ERICH5: variants seen among roughly 807,000 people sequenced by gnomAD.
ERICH5 encodes glutamate rich 5.
Under a neutral mutation model 28.0 loss-of-function variants are expected in ERICH5, and 24 were observed. That is an observed-to-expected ratio of 0.86 (90% CI 0.62 to 1.21). The LOEUF is 1.21. Among genes scored for constraint, ERICH5 ranks in the 50% most tolerant of loss-of-function variants. ERICH5 has a pLI of 0.00. For missense variants in ERICH5, 421 were observed against 441.2 expected (o/e 0.95, Z 0.41); for synonymous variants, 163 against 157.6 (o/e 1.03, Z -0.25).
At chr8:98,076,661 A>G (rs1815060817) in intron 1 of ERICH5, among the ~76,000 whole-genome samples, 1 of 152,288 alleles carries the variant, frequency 6.6e-6, no homozygotes, top group East Asian at 1.9e-4. Context: ...GCAATCCTGT[A>G]TATTCATATA....
intron 1 of ERICH5, among the ~76,000 whole-genome samples, chr8:98,072,857 A>AT (rs772044082): frequency 1.1e-4 from 16 of 150,932 alleles, no homozygotes; most frequent in East Asian, 7.8e-4. Context: ...TTTGTCTTTT[A>AT]TTTTTTTTCT....
chr8:98,067,333 C>A (rs530134085), intron 1 of ERICH5, among the ~76,000 whole-genome samples: 103 of 151,090 alleles, frequency 6.8e-4, no homozygotes, highest in Non-Finnish European at 1.0e-3. Context: ...TGGTACAGGC[C>A]AGTAGTCCCA....
chr8:98,085,378 T>A (rs1489770024), intron 1 of ERICH5, among the ~76,000 whole-genome samples: 2 of 151,804 alleles, frequency 1.3e-5, no homozygotes, highest in African/African-American at 4.8e-5. Flanking sequence ...TTAGCCAGGA[T>A]GGTCTCGATA....
At chr8:98,073,415 T>C (rs1302352208) in intron 1 of ERICH5, among the ~76,000 whole-genome samples, 1 of 20,098 alleles carries the variant, frequency 5.0e-5, no homozygotes, top group Non-Finnish European at 8.0e-5. Flanking sequence ...TCTCTCTCTC[T>C]CTCTCTCTCT....
At chr8:98,090,067 G>T in intron 2 of ERICH5, 38 bp downstream of exon 2, 1 of 1,475,524 alleles carries the variant, frequency 6.8e-7, no homozygotes, top group Non-Finnish European at 9.3e-7. Context: ...GTTTAGATGT[G>T]CTCCATAGGA....
At chr8:98,065,073 A>C (rs2513819) in intron 1 of ERICH5, among the ~76,000 whole-genome samples, 14,921 of 152,166 alleles carry the variant, frequency 0.098, 828 homozygotes, top group East Asian at 0.19. Context: ...TAAACACAGG[A>C]GAAATGTCCT....
chr8:98,080,164 G>A (rs1276066330), intron 1 of ERICH5, among the ~76,000 whole-genome samples: 1 of 152,176 alleles, frequency 6.6e-6, no homozygotes, highest in Non-Finnish European at 1.5e-5. Flanking sequence ...TGTTTAGTGT[G>A]GCTACCTTTT....
At chr8:98,084,133 C>T (rs1219982460) in intron 1 of ERICH5, among the ~76,000 whole-genome samples, 1 of 151,726 alleles carries the variant, frequency 6.6e-6, no homozygotes, top group Admixed American at 6.6e-5. Context: ...AAGTGATCCT[C>T]CTGCCTTAGC....
intron 1 of ERICH5, among the ~76,000 whole-genome samples, chr8:98,074,425 AC>A (rs1480815716): frequency 4.9e-5 from 6 of 122,256 alleles, no homozygotes; most frequent in African/African-American, 1.3e-4. Context: ...ATTTTAATTT[AC>A]TTTTTTTTTT....
chr8:98,089,766 G>T lies in ERICH5; in HGVS notation c.749G>T (p.Gly250Val). Residue 250 changes from glycine (G) to valine (V), a missense_variant, in exon 2 of 3, where the codon GGA becomes GTA. Transcript: ENST00000318528. ...AEEQQLQATL[G>V]KEEQPQLLER... ...GAGCAGCAACTTCAGGCAACATTGG[G>T]AAAAGAGGAGCAGCCCCAGCTTCTA... 10 of 1,614,160 alleles carry T rather than the reference G, an allele frequency of 6.2e-6. No individual in the cohort carries two copies. The highest frequency in any genetic ancestry group is 8.5e-6 in the Non-Finnish European group (10 of 1,180,004).
rs865793907 is a variant in ERICH5 at position 98,091,964 on chromosome 8, T to C, written c.1013-1257T>C. On this transcript the variant is annotated intron_variant, in intron 2 of 2. Transcript: ENST00000318528. ...TTCTTTCTTTCTTCTTTCTTTCTTT[T>C]TTCTTTCTTTTTCTTCTCTCTCTCT... is the stretch of plus-strand genomic sequence containing the variant. 2.5e-3 allele frequency among the ~76,000 whole-genome samples: 118 copies of C among 47,346 alleles called. 3 individuals are homozygous for C. Among genetic ancestry groups the C allele is most frequent in the African/African-American group, 5.3e-3 (70 of 13,190 alleles). 31.1% of individuals were successfully genotyped at this position (47,346 alleles called of 152,430 possible). A position where few individuals can be genotyped will look rare whatever the true frequency, so the allele number is the denominator to read the frequency against.
intron 1 of ERICH5, among the ~76,000 whole-genome samples, chr8:98,079,799 C>T (rs1039460399): frequency 2.0e-5 from 3 of 152,210 alleles, no homozygotes; most frequent in African/African-American, 7.2e-5. Context: ...CTTAGCCTCC[C>T]AAAGTGCTGG....
At chr8:98,092,123 A>T (rs1192513774) in intron 2 of ERICH5, among the ~76,000 whole-genome samples, 2 of 151,048 alleles carry the variant, frequency 1.3e-5, no homozygotes, top group Non-Finnish European at 2.9e-5. Context: ...CCCAGCTCTC[A>T]AGTAGCTAGG....
intron 1 of ERICH5, among the ~76,000 whole-genome samples, chr8:98,066,434 GA>G (rs1219631643): frequency 6.6e-6 from 1 of 152,184 alleles, no homozygotes; most frequent in East Asian, 1.9e-4. Flanking sequence ...GTATTTCAGG[GA>G]ATGTAACTTT....
At position 98,089,650 on chromosome 8, in the gene ERICH5, G is replaced by T; in HGVS notation, c.633G>T (p.Lys211Asn). Reference protein sequence around the residue: ...GELQPQGTVGKDEQAPLLETI... With the variant: ...GELQPQGTVGNDEQAPLLETI... ...TACAACCTCAGGGCACAGTGGGAAA[G>T]GATGAGCAGGCCCCGCTTCTAGAAA... The change falls in exon 2 of 3, where the codon AAG (lysine) becomes AAT (asparagine). Residue 211 changes from lysine (K) to asparagine (N), a missense_variant. Physicochemically the swap from Lys to Asn is moderately conservative, Grantham distance 94. Coordinates refer to ENST00000318528, the MANE Select transcript of ERICH5 (RefSeq NM_173549.3). 1 of 1,614,060 alleles carries T rather than the reference G, an allele frequency of 6.2e-7. No individual in the cohort carries two copies. Among genetic ancestry groups the T allele is most frequent in the Non-Finnish European group, 8.5e-7 (1 of 1,179,948 alleles).
intron 1 of ERICH5, among the ~76,000 whole-genome samples, chr8:98,072,580 G>A (rs1464398741): frequency 1.3e-5 from 2 of 152,204 alleles, no homozygotes; most frequent in African/African-American, 2.4e-5. Flanking sequence ...AGAGGTTGCA[G>A]TGAACCGAGG....
chr8:98,073,448 A>AATTTTTTTTTTTT (rs1814966285), intron 1 of ERICH5, among the ~76,000 whole-genome samples: 1 of 14,374 alleles, frequency 7.0e-5, no homozygotes, highest in African/African-American at 4.5e-4. Flanking sequence ...ATATATATAT[A>AATTTTTTTTTTTT]TATATATATA....
chr8:98,089,373 G>C lies in ERICH5; in HGVS notation c.356G>C (p.Gly119Ala). Residue 119 changes from glycine to alanine, a missense_variant, in exon 2 of 3, where the codon GGT (glycine) becomes GCT (alanine). Gly to Ala is a moderately conservative substitution (Grantham distance 60, BLOSUM62 0). Coordinates refer to ENST00000318528, the MANE Select transcript of ERICH5 (RefSeq NM_173549.3). ...GAGGAATCTGGGCCGCCTCAACCAG[G>C]TGGCAAAGAGGATGCCCCAGCAGCA... ...GLEESGPPQP[G>A]GKEDAPAAEG... 2.5e-6 allele frequency: 4 copies of C among 1,614,256 alleles called. No individual in the cohort carries two copies. The highest frequency in any genetic ancestry group is 3.4e-6 in the Non-Finnish European group (4 of 1,180,058).
chr8:98,075,794 T>TTTTTTTTTTTTA (rs1464208867), intron 1 of ERICH5, among the ~76,000 whole-genome samples: 2 of 142,622 alleles, frequency 1.4e-5, no homozygotes, highest in African/African-American at 5.1e-5. Flanking sequence ...CCTTTTTTTT[T>TTTTTTTTTTTTA]TTTTTTTTTT....
Sources: allele counts gnomAD v4.1 joint callset (sites outside exome capture counted in the v4.1 genomes callset), GRCh38; gene constraint gnomAD v4.1.1; transcripts MANE v1.5; gene names NCBI Gene and HGNC (gene_info 2026-07-23, HGNC 2026-07-21).